The following ADCY8 variants were observed in gnomAD, a reference collection of about 807,000 sequenced individuals.
ADCY8 encodes adenylate cyclase 8.
ADCY8 carries 51 observed loss-of-function variants against 119.7 expected under a neutral mutation model. That is an observed-to-expected ratio of 0.43 (90% confidence interval 0.34 to 0.54). The LOEUF is 0.54. ADCY8 is among the 20% of genes least tolerant of loss of function. The pLI, the probability that ADCY8 is intolerant of heterozygous loss-of-function variation, is 0.03. For missense variants in ADCY8, 1,383 were observed against 1,598.8 expected (o/e 0.87, Z 2.30); for synonymous variants, 665 against 651.0 (o/e 1.02, Z -0.33).
intron 8 of ADCY8, among the ~76,000 whole-genome samples, chr8:130,874,036 G>A (rs1319496717): frequency 1.3e-5 from 2 of 151,866 alleles, no homozygotes; most frequent in South Asian, 2.1e-4. Flanking sequence ...GGCTGGGAGC[G>A]GTGGCTCATG....
chr8:130,936,072 C>CGTGTGT (rs1563735585), intron 5 of ADCY8, among the ~76,000 whole-genome samples: 26 of 97,160 alleles, frequency 2.7e-4, no homozygotes, highest in African/African-American at 1.2e-3. Flanking sequence ...CAAGCACTGA[C>CGTGTGT]ATGTGTGTGT....
chr8:130,972,796 A>G (rs1422167042), intron 2 of ADCY8, among the ~76,000 whole-genome samples: 1 of 151,924 alleles, frequency 6.6e-6, no homozygotes, highest in African/African-American at 2.4e-5. Flanking sequence ...ATGACAGGCT[A>G]GGTTTCAGTA....
intron 8 of ADCY8, 141 bp from the exon 9 acceptor site, chr8:130,868,087 G>C: frequency 3.5e-6 from 2 of 566,238 alleles, no homozygotes; most frequent in Non-Finnish European, 6.1e-6. Flanking sequence ...CCTTCACAGA[G>C]CATTATCCCC....
intron 9 of ADCY8, among the ~76,000 whole-genome samples, chr8:130,852,980 C>T (rs1817585705): frequency 6.6e-6 from 1 of 152,166 alleles, no homozygotes; most frequent in Admixed American, 6.5e-5. Flanking sequence ...TCTGCTCCTC[C>T]CCTCAGCAGC....
chr8:130,954,664 T>C (rs1279721910), intron 2 of ADCY8, among the ~76,000 whole-genome samples: 1 of 152,232 alleles, frequency 6.6e-6, no homozygotes, highest in African/African-American at 2.4e-5. Flanking sequence ...AAACAGATTA[T>C]GTTCCAAATA....
At chr8:130,859,478 G>A (rs1817856134) in intron 9 of ADCY8, among the ~76,000 whole-genome samples, 2 of 152,168 alleles carry the variant, frequency 1.3e-5, no homozygotes, top group African/African-American at 4.8e-5. Flanking sequence ...CAGTGCTTAA[G>A]TGCAGTTTCT....
At chr8:130,790,985 C>T (rs79287637) in intron 15 of ADCY8, among the ~76,000 whole-genome samples, 1 of 152,174 alleles carries the variant, frequency 6.6e-6, no homozygotes, top group African/African-American at 2.4e-5. Flanking sequence ...CGTTCATGCC[C>T]TTTCCCAAAT....
chr8:130,878,504 A>G (rs1818648012), intron 8 of ADCY8, among the ~76,000 whole-genome samples: 2 of 152,154 alleles, frequency 1.3e-5, no homozygotes, highest in Non-Finnish European at 1.5e-5. Flanking sequence ...ATGTAAGCTG[A>G]TCTCTGAAGA....
At chr8:130,906,459 T>C (rs1819789592) in intron 6 of ADCY8, among the ~76,000 whole-genome samples, 1 of 152,222 alleles carries the variant, frequency 6.6e-6, no homozygotes, top group Non-Finnish European at 1.5e-5. Flanking sequence ...TTCCATGTAT[T>C]AAATCAATAT....
At chr8:130,787,213 G>A (rs1586410825) in intron 15 of ADCY8, among the ~76,000 whole-genome samples, 1 of 152,096 alleles carries the variant, frequency 6.6e-6, no homozygotes, top group Non-Finnish European at 1.5e-5. Flanking sequence ...TTGGATTTTG[G>A]AAAGTTCATT....
intron 8 of ADCY8, among the ~76,000 whole-genome samples, chr8:130,871,446 G>A (rs889253279): frequency 6.6e-6 from 1 of 152,008 alleles, no homozygotes; most frequent in Non-Finnish European, 1.5e-5. Context: ...TCTAGAAAAT[G>A]GATACAATAA....
intron 2 of ADCY8, among the ~76,000 whole-genome samples, chr8:130,983,199 A>G (rs1822290218): frequency 6.6e-6 from 1 of 152,252 alleles, no homozygotes; most frequent in Admixed American, 6.5e-5. Context: ...AGGCAGCTAC[A>G]AACACCCATG....
chr8:130,910,757 A>G (rs1376560248), intron 5 of ADCY8, among the ~76,000 whole-genome samples: 1 of 152,260 alleles, frequency 6.6e-6, no homozygotes, highest in Non-Finnish European at 1.5e-5. Flanking sequence ...GACTGTAAGT[A>G]TGGAGGAGGC....
At chr8:130,790,087 T>C (rs1375684380) in intron 15 of ADCY8, among the ~76,000 whole-genome samples, 2 of 152,212 alleles carry the variant, frequency 1.3e-5, no homozygotes, top group Middle Eastern at 3.2e-3. Flanking sequence ...TTTGATGGGC[T>C]TGCCGTGTCC....
At chr8:130,955,370 A>G (rs1246300024) in intron 2 of ADCY8, among the ~76,000 whole-genome samples, 1 of 152,188 alleles carries the variant, frequency 6.6e-6, no homozygotes, top group East Asian at 1.9e-4. Flanking sequence ...AAGGGCCAGT[A>G]TCTAGTCTAT....
chr8:130,793,168 C>G (rs1343670559), intron 15 of ADCY8, among the ~76,000 whole-genome samples: 1 of 152,154 alleles, frequency 6.6e-6, no homozygotes, highest in Non-Finnish European at 1.5e-5. Context: ...GTGGGCTTTT[C>G]CTTGCCTGCC....
At chr8:130,801,112 A>G (rs1478304561) in intron 14 of ADCY8, among the ~76,000 whole-genome samples, 2 of 152,232 alleles carry the variant, frequency 1.3e-5, no homozygotes, top group Non-Finnish European at 2.9e-5. Context: ...CATCATCACC[A>G]TATGGAATGT....
In ADCY8 at chr8:130,830,350, T is replaced by C. The variant is rs1816794392; in HGVS notation, c.2675+5927A>G. On this transcript the variant is annotated intron_variant, in intron 12 of 17. Coordinates refer to ENST00000286355, the MANE Select transcript of ADCY8 (RefSeq NM_001115.3). Reference sequence around the variant, plus strand: ...GGCACCAGTCAACTGGAAAGCCCATTTTCATAATAATATTAGGGTGGAGGG... The same window carrying C: ...GGCACCAGTCAACTGGAAAGCCCATCTTCATAATAATATTAGGGTGGAGGG... Among the ~76,000 whole-genome samples the C allele has an allele frequency of 2.0e-5, 3 of 152,110 alleles. No individual in the cohort carries two copies. The South Asian group carries it at 6.2e-4, about 32-fold the overall frequency.
chr8:130,842,662 C>T (rs1817181871), intron 11 of ADCY8, among the ~76,000 whole-genome samples: 1 of 151,882 alleles, frequency 6.6e-6, no homozygotes, highest in African/African-American at 2.4e-5. Context: ...CACTTGTGGC[C>T]AGGAGTTTGA....
Sources: gnomAD v4.1 joint callset for allele counts (sites outside exome capture counted in the v4.1 genomes callset) on GRCh38, gnomAD v4.1.1 for gene constraint, MANE v1.5 for transcripts, NCBI Gene and HGNC (gene_info 2026-07-23, HGNC 2026-07-21) for gene names.